EFR3B: variants seen among roughly 807,000 people sequenced by gnomAD.
EFR3B encodes protein EFR3 homolog B.
Under a neutral mutation model 104.7 loss-of-function variants are expected in EFR3B, and 64 were observed. The ratio of observed to expected loss-of-function variants is 0.61; its 90% CI spans 0.50 to 0.75. EFR3B has a LOEUF of 0.75. EFR3B is among the 30% of genes least tolerant of loss of function. EFR3B has a pLI of 0.00. For synonymous variants in EFR3B, 385 were observed against 417.9 expected, an observed-to-expected ratio of 0.92 and a Z score of 0.96; for missense variants, 750 against 1,078.5, an observed-to-expected ratio of 0.70 and a Z score of 4.27.
At chr2:25,068,970 G>T in intron 1 of EFR3B, among the ~76,000 whole-genome samples, 1 of 129,888 alleles carries the variant, frequency 7.7e-6, no homozygotes. Flanking sequence ...GTCTCACTCT[G>T]TCACCCAGGC....
chr2:25,073,816 G>A (rs757752253), intron 1 of EFR3B, among the ~76,000 whole-genome samples: 9 of 152,036 alleles, frequency 5.9e-5, no homozygotes, highest in Admixed American at 6.6e-5. Context: ...CTCCTGGTAG[G>A]CCCACCTCCT....
At chr2:25,088,093 G>C (rs986860728) in intron 1 of EFR3B, among the ~76,000 whole-genome samples, 2 of 151,160 alleles carry the variant, frequency 1.3e-5, no homozygotes, top group African/African-American at 2.4e-5. Flanking sequence ...TCGTGCACTC[G>C]TCAGTCCCTT....
intron 1 of EFR3B, chr2:25,081,172 T>G (rs1668792439): frequency 1.4e-6 from 1 of 736,056 alleles, no homozygotes; most frequent in African/African-American, 1.7e-5. Flanking sequence ...CCCATTTGCT[T>G]GGTAAACAAC....
chr2:25,061,077 A>G (rs114430815), intron 1 of EFR3B, among the ~76,000 whole-genome samples: 216 of 152,148 alleles, frequency 1.4e-3, no homozygotes, highest in African/African-American at 4.7e-3. Flanking sequence ...GTGAATTTCA[A>G]TGTTGGCTCC....
intron 17 of EFR3B, among the ~76,000 whole-genome samples, chr2:25,143,511 T>A (rs3731633): frequency 0.3 from 44,826 of 151,704 alleles, 7,077 homozygotes; most frequent in Admixed American, 0.38. Context: ...ATACAAAAAA[T>A]TAGCCTGGCG....
chr2:25,125,252 C>G (rs1262355771), intron 5 of EFR3B, among the ~76,000 whole-genome samples: 1 of 152,172 alleles, frequency 6.6e-6, no homozygotes, highest in Non-Finnish European at 1.5e-5. Flanking sequence ...AAGATTAATT[C>G]ACATGTACAC....
At chr2:25,141,250 G>A (rs1670658287) in intron 16 of EFR3B, 116 bp from the exon 17 acceptor site, 1 of 1,083,040 alleles carries the variant, frequency 9.2e-7, no homozygotes, top group South Asian at 1.6e-5. Flanking sequence ...AGGACACTGT[G>A]CTGAGGAGGC....
At position 25,136,373 on chromosome 2, in the gene EFR3B, G is replaced by A; in HGVS notation, c.1485-150G>A. The A allele has an allele frequency of 1.7e-6, 1 of 595,590 alleles. No individual in the cohort carries two copies. Among genetic ancestry groups the A allele is most frequent in the Non-Finnish European group, 2.9e-6 (1 of 340,488 alleles). The allele number at this position is 595,590 out of a possible 1,614,324, so 36.9% of individuals were successfully genotyped here. ...GGGACAAATTCTTGAGAACTTGGGA[G>A]GAAAAGGTAATCGGGCTGAGAACCA... is the stretch of plus-strand genomic sequence containing the variant. On this transcript the variant is annotated intron_variant, in intron 13 of 22. Transcript: ENST00000403714. This position sits in a 1 kb window ranked among gnomAD's most constrained non-coding sequence, Gnocchi z 4.0.
At chr2:25,055,122 A>AG (rs2149165928) in intron 1 of EFR3B, among the ~76,000 whole-genome samples, 1 of 152,312 alleles carries the variant, frequency 6.6e-6, no homozygotes, top group African/African-American at 2.4e-5. Context: ...GAGATTCAGG[A>AG]GTTCAATAAC....
intron 5 of EFR3B, among the ~76,000 whole-genome samples, chr2:25,124,738 CAAAAAAAAAAAAAAA>C (rs34181444): frequency 2.4e-5 from 1 of 41,790 alleles, no homozygotes; most frequent in Admixed American, 3.8e-4. Flanking sequence ...GACTCTGTCT[CAAAAAAAAAAAAAAA>C]AAAAAAAAAA....
In EFR3B at chr2:25,159,045, C is replaced by A. The variant is rs1671251589; in HGVS notation, c.*4705C>A. On this transcript the variant is annotated 3_prime_UTR_variant, in exon 23 of 23. Transcript: ENST00000403714. ...GGGGGGAAGTATAGGAAGAAGGATT[C>A]TTAGCAAAATCATTCTCTAGGACTA... 6.6e-6 allele frequency: 1 copy of A among 152,168 alleles called. No individual in the cohort carries two copies. The highest frequency in any genetic ancestry group is 2.1e-4 in the South Asian group (1 of 4,834). The allele number at this position is 152,168 out of a possible 1,614,324, so 9.4% of individuals were successfully genotyped here.
intron 1 of EFR3B, among the ~76,000 whole-genome samples, chr2:25,086,143 T>C (rs1271041832): frequency 2.0e-5 from 3 of 152,226 alleles, no homozygotes; most frequent in African/African-American, 7.2e-5. Flanking sequence ...GTTGTCTGGA[T>C]GTACCACAGT....
chr2:25,076,773 A>G (rs761203116), intron 1 of EFR3B, among the ~76,000 whole-genome samples: 2 of 152,132 alleles, frequency 1.3e-5, no homozygotes, highest in African/African-American at 4.8e-5. Flanking sequence ...CCCATCCTCA[A>G]TTAAGGTGGC....
At chr2:25,144,656 C>T (rs1396859102) in intron 18 of EFR3B, among the ~76,000 whole-genome samples, 1 of 152,186 alleles carries the variant, frequency 6.6e-6, no homozygotes, top group Non-Finnish European at 1.5e-5. Flanking sequence ...TACTGGTGCT[C>T]TTAGCAGATC....
chr2:25,075,663 A>T (rs1200368255), intron 1 of EFR3B, among the ~76,000 whole-genome samples: 2 of 152,208 alleles, frequency 1.3e-5, no homozygotes, highest in Non-Finnish European at 2.9e-5. Context: ...AATATAAGGT[A>T]TTTGCAGGCA....
At chr2:25,133,851 T>C (rs931318071) in intron 12 of EFR3B, among the ~76,000 whole-genome samples, 2 of 152,298 alleles carry the variant, frequency 1.3e-5, no homozygotes, top group African/African-American at 4.8e-5. Context: ...CCCCCATCCT[T>C]CCCATGCTGT....
At chr2:25,100,410 T>A (rs1669398950) in intron 3 of EFR3B, among the ~76,000 whole-genome samples, 1 of 152,236 alleles carries the variant, frequency 6.6e-6, no homozygotes, top group Non-Finnish European at 1.5e-5. Context: ...GGCCTTTTGC[T>A]ACTTTATTTT....
At chr2:25,047,535 G>A (rs562896863) in intron 1 of EFR3B, among the ~76,000 whole-genome samples, 2 of 151,966 alleles carry the variant, frequency 1.3e-5, no homozygotes, top group East Asian at 3.9e-4. Flanking sequence ...GTCTCACTCT[G>A]TTGCCCAGGC....
chr2:25,065,084 G>GC (rs1292476019), intron 1 of EFR3B, among the ~76,000 whole-genome samples: 1 of 152,024 alleles, frequency 6.6e-6, no homozygotes, highest in Non-Finnish European at 1.5e-5. Flanking sequence ...CCTGGCGGGG[G>GC]GGGCGGGGCA....
Sources: gnomAD v4.1 joint callset for allele counts (sites outside exome capture counted in the v4.1 genomes callset) on GRCh38, gnomAD v4.1.1 for gene constraint, Gnocchi (gnomAD v3.1) non-coding constraint, MANE v1.5 for transcripts, NCBI Gene and HGNC (gene_info 2026-07-23, HGNC 2026-07-21) for gene names.